Variants in FYB1 observed in about 807,000 individuals in gnomAD.
The protein encoded by FYB1 is FYN-binding protein 1.
A neutral mutation model predicts 94.1 loss-of-function variants in FYB1; 41 were observed. That is an observed-to-expected ratio of 0.44 (90% CI 0.34 to 0.57). The LOEUF (loss-of-function observed/expected upper bound fraction) is 0.57. Ranked by LOEUF, FYB1 falls within the 20% of genes least tolerant of loss-of-function variation. The pLI is 0.02. For synonymous variants in FYB1, 367 were observed against 353.2 expected (o/e 1.04, Z -0.44); for missense variants, 1,050 against 976.8 (o/e 1.07, Z -1.00).
At chr5:39,126,349 T>C (rs2150298279) in intron 11 of FYB1, among the ~76,000 whole-genome samples, 3 of 151,780 alleles carry the variant, frequency 2.0e-5, no homozygotes, top group Middle Eastern at 6.8e-3. Context: ...TTTTTTTTTC[T>C]ATCAAGTGAG....
In FYB1 at chr5:39,108,250, G is replaced by A; in HGVS notation, c.2448C>T (p.Ile816=). Residue 816 remains isoleucine (I), a synonymous_variant, in exon 18 of 19, where the codon ATC becomes ATT. Coordinates refer to ENST00000512982, the MANE Select transcript of FYB1 (RefSeq NM_001465.6). ...ACTTACCATCAGCAATATCATCATA[G>A]ATCTCTCCATCACTGTAAATGTAAA... ...RSYLADNDGE[I]YDDIADGCIY... is the part of the protein sequence containing the mutation. The A allele has an allele frequency of 6.5e-7, 1 of 1,528,158 alleles. No homozygotes were observed. Among genetic ancestry groups the A allele is most frequent in the Non-Finnish European group, 8.9e-7 (1 of 1,128,752 alleles). 94.7% of individuals were successfully genotyped at this position (1,528,158 alleles called of 1,614,324 possible).
At chr5:39,253,116 A>C (rs1027297395) in intron 1 of FYB1, among the ~76,000 whole-genome samples, 21 of 152,216 alleles carry the variant, frequency 1.4e-4, no homozygotes, top group Non-Finnish European at 2.8e-4. Flanking sequence ...TTTACTGCTC[A>C]CATTATCTAG....
chr5:39,220,097 T>C (rs1374180624), upstream of FYB1, among the ~76,000 whole-genome samples: 1 of 152,212 alleles, frequency 6.6e-6, no homozygotes, highest in East Asian at 1.9e-4. Flanking sequence ...AGTATTTAGA[T>C]GATAATCCAT....
Position 39,202,356 on chromosome 5 carries a change from G to C in FYB1, c.605C>G (p.Pro202Arg), listed in dbSNP as rs773904224. The C allele has an allele frequency of 2.5e-6, 4 of 1,613,924 alleles. No homozygotes were observed. The East Asian group carries it at 8.9e-5, about 36-fold the overall frequency. ...ATGGGAGTTCTCGGTACTTAGGGGCGGCTTCTGGCCAAAGGCGGGTTTGGG... is the reference window on the plus strand; with the variant it reads ...ATGGGAGTTCTCGGTACTTAGGGGCCGCTTCTGGCCAAAGGCGGGTTTGGG... ...LFPKPAFGQK[P>R]PLSTENSHED... is the part of the protein sequence containing the mutation. The change falls in exon 2 of 19, where the codon CCG (proline) becomes CGG (arginine). Residue 202 changes from proline to arginine, a missense_variant. By Grantham distance (103) the Pro-to-Arg change is moderately radical. Transcript: ENST00000512982.
chr5:39,133,299 G>T (rs1370178336), intron 9 of FYB1, among the ~76,000 whole-genome samples: 1 of 152,114 alleles, frequency 6.6e-6, no homozygotes, highest in Non-Finnish European at 1.5e-5. Context: ...CACAATGGAG[G>T]TTTCCTAGTT....
At chr5:39,143,286 A>G (rs898597136) in intron 3 of FYB1, among the ~76,000 whole-genome samples, 1 of 152,082 alleles carries the variant, frequency 6.6e-6, no homozygotes. Flanking sequence ...GGTGGATGGC[A>G]CCACAATTCA....
At chr5:39,239,537 T>C (rs1214944840) in intron 1 of FYB1, among the ~76,000 whole-genome samples, 1 of 152,060 alleles carries the variant, frequency 6.6e-6, no homozygotes, top group Non-Finnish European at 1.5e-5. Flanking sequence ...GAGAGCCAAA[T>C]CAAGAATGCA....
chr5:39,144,716 C>T (rs1742491640), intron 3 of FYB1, among the ~76,000 whole-genome samples: 1 of 152,086 alleles, frequency 6.6e-6, no homozygotes, highest in Admixed American at 6.5e-5. Context: ...GCACGAGAAT[C>T]TATTGAACCC....
intron 1 of FYB1, among the ~76,000 whole-genome samples, chr5:39,259,318 G>T (rs1437784504): frequency 1.3e-5 from 2 of 152,218 alleles, no homozygotes; most frequent in South Asian, 4.1e-4. Context: ...CCTGGACTAA[G>T]TACAGCACAG....
At chr5:39,161,016 G>T (rs1744196203) in intron 2 of FYB1, among the ~76,000 whole-genome samples, 1 of 152,212 alleles carries the variant, frequency 6.6e-6, no homozygotes, top group Non-Finnish European at 1.5e-5. Context: ...AGTGTGGTGT[G>T]GCTGTCCTGT....
intron 1 of FYB1, among the ~76,000 whole-genome samples, chr5:39,274,144 T>G (rs974891551): frequency 6.6e-6 from 1 of 152,184 alleles, no homozygotes; most frequent in Non-Finnish European, 1.5e-5. Context: ...AGGCTGGTCT[T>G]GAACTCCTTA....
At chr5:39,138,552 A>C in intron 6 of FYB1, 105 bp downstream of exon 6, 2 of 610,514 alleles carry the variant, frequency 3.3e-6, no homozygotes, top group Admixed American at 3.5e-5. Flanking sequence ...TCATTTGAAC[A>C]AATCAAGCTT....
intron 12 of FYB1, among the ~76,000 whole-genome samples, chr5:39,125,545 A>G (rs1270838730): frequency 6.6e-6 from 1 of 152,188 alleles, no homozygotes; most frequent in Non-Finnish European, 1.5e-5. Flanking sequence ...CTTTATTTCA[A>G]ACTATTAAAA....
chr5:39,239,426 C>T (rs966011484), intron 1 of FYB1, among the ~76,000 whole-genome samples: 1 of 152,072 alleles, frequency 6.6e-6, no homozygotes, highest in South Asian at 2.1e-4. Context: ...TAGTCTCTGA[C>T]CAAAAGCTCC....
chr5:39,166,430 C>T (rs910451632), intron 2 of FYB1, among the ~76,000 whole-genome samples: 18 of 108,048 alleles, frequency 1.7e-4, no homozygotes, highest in Admixed American at 3.4e-4. Flanking sequence ...GGTGAAACTC[C>T]GTCTCATAAA....
intron 1 of FYB1, among the ~76,000 whole-genome samples, chr5:39,262,771 C>A (rs1268436293): frequency 6.6e-6 from 1 of 151,546 alleles, no homozygotes; most frequent in South Asian, 2.1e-4. Flanking sequence ...GAAAAAAACC[C>A]AATGTAGAGT....
intron 2 of FYB1, among the ~76,000 whole-genome samples, chr5:39,181,545 G>A (rs1350030367): frequency 6.6e-6 from 1 of 152,166 alleles, no homozygotes; most frequent in Non-Finnish European, 1.5e-5. Context: ...AGCGAGAACT[G>A]AAGCTCCTGT....
rs1471228917 is a variant in FYB1, at chr5:39,139,221, A to C, written c.1359+12T>G. On this transcript the variant is annotated intron_variant, in intron 5 of 18. Coordinates refer to ENST00000512982, the MANE Select transcript of FYB1 (RefSeq NM_001465.6). ...TATGTCAATATAATATGAGAAGAGA[A>C]AAAAATCTGACCTCATCTAGATTTC... The C allele has an allele frequency of 6.8e-7, 1 of 1,464,512 alleles. No individual in the cohort carries two copies. The highest frequency in any genetic ancestry group is 9.2e-7 in the Non-Finnish European group (1 of 1,083,454). The allele number at this position is 1,464,512 out of a possible 1,614,324, so 90.7% of individuals were successfully genotyped here.
intron 2 of FYB1, among the ~76,000 whole-genome samples, chr5:39,159,652 C>T (rs958298374): frequency 6.6e-6 from 1 of 152,138 alleles, no homozygotes; most frequent in African/African-American, 2.4e-5. Context: ...GCCCTGCATT[C>T]TAACTGAAAA....
Sources: allele counts gnomAD v4.1 joint callset (sites outside exome capture counted in the v4.1 genomes callset), GRCh38; gene constraint gnomAD v4.1.1; transcripts MANE v1.5; gene names NCBI Gene and HGNC (gene_info 2026-07-23, HGNC 2026-07-21).